SCARB1: variants seen among roughly 807,000 people sequenced by gnomAD.
SCARB1 encodes CD36 and LIMPII analogous 1.
Under a neutral mutation model 57.2 loss-of-function variants are expected in SCARB1, and 30 were observed. The ratio of observed to expected loss-of-function variants is 0.52; its 90% CI spans 0.39 to 0.71. The LOEUF is 0.71. Ranked by LOEUF, SCARB1 falls within the 30% of genes least tolerant of loss-of-function variation. The pLI is 0.00. For synonymous variants in SCARB1, 249 were observed against 268.3 expected (o/e 0.93, Z 0.70); for missense variants, 543 against 671.2 (o/e 0.81, Z 2.11).
chr12:124,779,779 C>T (rs1252268889), intron 12 of SCARB1, among the ~76,000 whole-genome samples: 2 of 152,180 alleles, frequency 1.3e-5, no homozygotes, highest in Non-Finnish European at 1.5e-5. Context: ...TGCCCACCTC[C>T]GCCCACCTGT....
At chr12:124,852,540 G>A (rs562016738) in intron 1 of SCARB1, among the ~76,000 whole-genome samples, 35 of 152,360 alleles carry the variant, frequency 2.3e-4, no homozygotes, top group Admixed American at 5.9e-4. Context: ...AGTCCACGCT[G>A]CGGAGGACCC....
intron 1 of SCARB1, among the ~76,000 whole-genome samples, chr12:124,861,895 T>A (rs6488946): frequency 6.6e-6 from 1 of 151,826 alleles, no homozygotes; most frequent in Non-Finnish European, 1.5e-5. Flanking sequence ...CACACACACA[T>A]CCTACTGACA....
chr12:124,791,539 T>C (rs117040312), intron 9 of SCARB1, among the ~76,000 whole-genome samples: 2,012 of 152,260 alleles, frequency 0.013, 21 homozygotes, highest in Admixed American at 0.016. Flanking sequence ...GTTGTTATAA[T>C]TGTTAAATCC....
At chr12:124,821,368 T>C (rs1362025683) in intron 1 of SCARB1, 2 of 985,268 alleles carry the variant, frequency 2.0e-6, no homozygotes, top group Non-Finnish European at 2.4e-6. Context: ...CCTTTCTCCT[T>C]TGGAATCTCA....
Position 124,817,470 on chromosome 12 carries a change from T to G in SCARB1, c.284+80A>C. 7.5e-7 allele frequency: 1 copy of G among 1,333,112 alleles called. No individual in the cohort carries two copies. Among genetic ancestry groups the G allele is most frequent in the East Asian group, 2.9e-5 (1 of 33,964 alleles). 82.6% of individuals were successfully genotyped at this position (1,333,112 alleles called of 1,614,324 possible). A position where few individuals can be genotyped will look rare whatever the true frequency, so the allele number is the denominator to read the frequency against. On this transcript the variant is annotated intron_variant, in intron 2 of 12. Coordinates refer to ENST00000261693, the MANE Select transcript of SCARB1 (RefSeq NM_005505.5). This position sits in a 1 kb window ranked among gnomAD's most constrained non-coding sequence, Gnocchi z 4.8. ...AATCTCTGGGGCTCAGTCAGCAGCC[T>G]CCCCATCCCGTCCACTCTGAGACCC...
intron 1 of SCARB1, chr12:124,821,384 C>G: frequency 1.0e-6 from 1 of 985,402 alleles, no homozygotes; most frequent in Middle Eastern, 5.2e-4. Context: ...TCTCACCATG[C>G]TTTCCTCCTC....
chr12:124,814,465 GC>G lies in SCARB1; in HGVS notation c.427-61del. 1.3e-6 allele frequency: 2 copies of G among 1,555,784 alleles called. No individual in the cohort carries two copies. The highest frequency in any genetic ancestry group is 1.8e-6 in the Non-Finnish European group (2 of 1,129,542). ...GACGTGGCTGGCCCATCCTCCCTTGGCCCCAGCTGGGCCTCACAGCAAAGAG... is the reference window on the plus strand; with the variant it reads ...GACGTGGCTGGCCCATCCTCCCTTGGCCCAGCTGGGCCTCACAGCAAAGAG... On this transcript the variant is annotated intron_variant, in intron 3 of 12. Coordinates refer to ENST00000261693, the MANE Select transcript of SCARB1 (RefSeq NM_005505.5). This position sits in a 1 kb window ranked among gnomAD's most constrained non-coding sequence, Gnocchi z 4.7.
chr12:124,789,023 C>A lies in SCARB1; in HGVS notation c.1203-1566G>T, dbSNP rs1405897179. Among the ~76,000 whole-genome samples, 1 of 152,122 alleles carries A rather than the reference C, an allele frequency of 6.6e-6. No individual in the cohort carries two copies. The highest frequency in any genetic ancestry group is 1.5e-5 in the Non-Finnish European group (1 of 68,030). On this transcript the variant is annotated intron_variant, in intron 9 of 12. Coordinates refer to ENST00000261693, the MANE Select transcript of SCARB1 (RefSeq NM_005505.5). This position sits in a 1 kb window ranked among gnomAD's most constrained non-coding sequence, Gnocchi z 4.4. ...GGAGTCACAGGAAACCATATTCTTCCCCTCAGGAAGATATGTTCTTATTAC... is the reference window on the plus strand; with the variant it reads ...GGAGTCACAGGAAACCATATTCTTCACCTCAGGAAGATATGTTCTTATTAC...
chr12:124,839,308 G>T, intron 1 of SCARB1: 1 of 452,382 alleles, frequency 2.2e-6, no homozygotes, highest in Non-Finnish European at 4.4e-6. Context: ...GAATCGTACG[G>T]TATTTGTCCT....
At chr12:124,847,893 G>T (rs1055153234) in intron 1 of SCARB1, among the ~76,000 whole-genome samples, 1 of 152,154 alleles carries the variant, frequency 6.6e-6, no homozygotes, top group Middle Eastern at 3.2e-3. Flanking sequence ...GGAAGACCAC[G>T]TGCACTCCTG....
At chr12:124,797,387 C>T (rs1300607458) in intron 8 of SCARB1, among the ~76,000 whole-genome samples, 3 of 152,130 alleles carry the variant, frequency 2.0e-5, no homozygotes, top group Non-Finnish European at 2.9e-5. Flanking sequence ...CAGCTTCCAA[C>T]ACACGTTCGT....
At chr12:124,837,580 AAAG>A (rs1283744695) in intron 1 of SCARB1, among the ~76,000 whole-genome samples, 1 of 7,590 alleles carries the variant, frequency 1.3e-4, no homozygotes, top group Non-Finnish European at 5.7e-3. Context: ...AAAGAAAAGA[AAAG>A]AAAAGAAAAG....
At chr12:124,808,587 C>T (rs1950406149) in intron 6 of SCARB1, among the ~76,000 whole-genome samples, 1 of 152,198 alleles carries the variant, frequency 6.6e-6, no homozygotes, top group South Asian at 2.1e-4. Context: ...AGTCAGATCT[C>T]AGTTCAGCTG....
chr12:124,827,222 G>T (rs1300287931), intron 1 of SCARB1, among the ~76,000 whole-genome samples: 1 of 152,190 alleles, frequency 6.6e-6, no homozygotes, highest in African/African-American at 2.4e-5. Flanking sequence ...CCCCGAAAAA[G>T]AAATTCCTAG....
chr12:124,813,617 G>A (rs1950595657), intron 4 of SCARB1, among the ~76,000 whole-genome samples: 1 of 152,130 alleles, frequency 6.6e-6, no homozygotes, highest in African/African-American at 2.4e-5. Context: ...GCCCAAACTT[G>A]CTCATTTACC....
rs1950010669 is a variant in SCARB1 at position 124,798,141 on chromosome 12, C to T, written c.1128+1983G>A. 2.0e-5 allele frequency among the ~76,000 whole-genome samples: 3 copies of T among 152,316 alleles called. No individual in the cohort carries two copies. The South Asian group carries it at 6.2e-4, about 32-fold the overall frequency. ...AAGAGGGAAATCCAGCTGGGCGCGG[C>T]GGCTCACGCCTGGAATCCCAGCACT... is the stretch of plus-strand genomic sequence containing the variant. On this transcript the variant is annotated intron_variant, in intron 8 of 12. Transcript: ENST00000261693.
At chr12:124,794,634 AAAAAG>A (rs1949872143) in intron 9 of SCARB1, among the ~76,000 whole-genome samples, 3 of 152,112 alleles carry the variant, frequency 2.0e-5, no homozygotes, top group Admixed American at 6.5e-5. Context: ...GTGAATGTTA[AAAAAG>A]AAAAGTGAAG....
At chr12:124,847,469 G>A (rs1439786393) in intron 1 of SCARB1, among the ~76,000 whole-genome samples, 1 of 152,206 alleles carries the variant, frequency 6.6e-6, no homozygotes, top group Non-Finnish European at 1.5e-5. Flanking sequence ...GTTAGGGAGA[G>A]GCAAAACAGG....
At chr12:124,828,352 G>T (rs1318553581) in intron 1 of SCARB1, among the ~76,000 whole-genome samples, 4 of 151,888 alleles carry the variant, frequency 2.6e-5, no homozygotes, top group Non-Finnish European at 4.4e-5. Flanking sequence ...GAACGACCTC[G>T]GCCTACAGTG....
Sources: allele counts gnomAD v4.1 joint callset (sites outside exome capture counted in the v4.1 genomes callset), GRCh38; gene constraint gnomAD v4.1.1; non-coding constraint Gnocchi (gnomAD v3.1); transcripts MANE v1.5; gene names NCBI Gene and HGNC (gene_info 2026-07-23, HGNC 2026-07-21).